Variants in SH3GL3 observed in about 807,000 individuals in gnomAD.
SH3GL3 encodes the protein SH3 domain containing GRB2 like 3, endophilin A3.
Under a neutral mutation model 47.7 loss-of-function variants are expected in SH3GL3, and 33 were observed. That is an observed-to-expected ratio of 0.69 (90% CI 0.52 to 0.92). The LOEUF is 0.92. Ranked by LOEUF, SH3GL3 falls within the 40% of genes least tolerant of loss-of-function variation. SH3GL3 has a pLI of 0.00. For synonymous variants in SH3GL3, 155 were observed against 148.8 expected, an observed-to-expected ratio of 1.04 and a Z score of -0.30; for missense variants, 363 against 417.8, an observed-to-expected ratio of 0.87 and a Z score of 1.14.
chr15:83,574,037 G>C (rs1413360666), intron 5 of SH3GL3, among the ~76,000 whole-genome samples: 2 of 152,198 alleles, frequency 1.3e-5, no homozygotes, highest in Non-Finnish European at 2.9e-5. Context: ...GGGAGACTGG[G>C]GTGGGCAAAA....
intron 1 of SH3GL3, among the ~76,000 whole-genome samples, chr15:83,508,235 C>T (rs143202773): frequency 6.6e-6 from 1 of 152,118 alleles, no homozygotes; most frequent in East Asian, 1.9e-4. Context: ...CCACCGTGCC[C>T]AGCCCAGGCA....
chr15:83,618,336 C>T lies in SH3GL3; in HGVS notation c.*49C>T. ...TACTTTCGTAACTGAAATGAATTCA[C>T]ACCAGTGTGCTCTCAGTGCGGTGTT... On this transcript the variant is annotated 3_prime_UTR_variant, in exon 9 of 9. Transcript: ENST00000427482. 1.7e-6 allele frequency: 2 copies of T among 1,183,460 alleles called. No individual in the cohort carries two copies. The highest frequency in any genetic ancestry group is 1.5e-5 in the African/African-American group (1 of 66,874). 73.3% of individuals were successfully genotyped at this position (1,183,460 alleles called of 1,614,324 possible).
downstream of SH3GL3, among the ~76,000 whole-genome samples, chr15:83,623,686 A>G (rs960317630): frequency 2.0e-5 from 3 of 152,244 alleles, no homozygotes; most frequent in African/African-American, 4.8e-5. Context: ...TGCAGTTCTA[A>G]TATGAATAGC....
At chr15:83,486,430 T>C (rs566298654) in intron 1 of SH3GL3, among the ~76,000 whole-genome samples, 1 of 152,316 alleles carries the variant, frequency 6.6e-6, no homozygotes, top group South Asian at 2.1e-4. Flanking sequence ...TGGGAATCAC[T>C]AATTATCCTC....
At chr15:83,551,826 T>C (rs1012539851) in intron 1 of SH3GL3, among the ~76,000 whole-genome samples, 2 of 152,228 alleles carry the variant, frequency 1.3e-5, no homozygotes, top group Non-Finnish European at 2.9e-5. Context: ...TCCACTCTAG[T>C]ATTATTTAGT....
intron 8 of SH3GL3, among the ~76,000 whole-genome samples, chr15:83,608,940 A>C (rs1436101279): frequency 6.6e-6 from 1 of 152,106 alleles, no homozygotes; most frequent in African/African-American, 2.4e-5. Context: ...CAAGTGGTGT[A>C]AGTAATAAGG....
intron 1 of SH3GL3, among the ~76,000 whole-genome samples, chr15:83,487,807 C>T (rs1276917775): frequency 6.6e-6 from 1 of 151,800 alleles, no homozygotes; most frequent in Non-Finnish European, 1.5e-5. Flanking sequence ...TTTTGGCTGA[C>T]ATAGTTTTTC....
chr15:83,532,628 G>C (rs1269219893), intron 1 of SH3GL3, among the ~76,000 whole-genome samples: 1 of 152,204 alleles, frequency 6.6e-6, no homozygotes, highest in East Asian at 1.9e-4. Context: ...AGTTAGGAAT[G>C]AGTTTGGCTG....
chr15:83,478,196 C>A (rs111766296), intron 1 of SH3GL3, among the ~76,000 whole-genome samples: 5 of 152,066 alleles, frequency 3.3e-5, no homozygotes, highest in Non-Finnish European at 7.4e-5. Context: ...GCTTAACCTA[C>A]GGGAGGGCAA....
chr15:83,530,940 C>A (rs2043641518), intron 1 of SH3GL3, among the ~76,000 whole-genome samples: 1 of 152,114 alleles, frequency 6.6e-6, no homozygotes, highest in South Asian at 2.1e-4. Flanking sequence ...AGAAAGACAG[C>A]AAATAGTAAC....
chr15:83,610,980 AAT>A (rs10665431), intron 8 of SH3GL3, among the ~76,000 whole-genome samples: 13 of 147,000 alleles, frequency 8.8e-5, no homozygotes, highest in South Asian at 2.2e-4. Context: ...TCAGCCAAAA[AAT>A]ATATATATAT....
chr15:83,612,417 G>A (rs373684883), intron 8 of SH3GL3, among the ~76,000 whole-genome samples: 3 of 152,338 alleles, frequency 2.0e-5, no homozygotes, highest in East Asian at 1.9e-4. Flanking sequence ...ATTTGGAGCC[G>A]TGTGTCACTG....
At chr15:83,513,997 A>G (rs2042880455) in intron 1 of SH3GL3, among the ~76,000 whole-genome samples, 1 of 152,176 alleles carries the variant, frequency 6.6e-6, no homozygotes, top group Non-Finnish European at 1.5e-5. Context: ...GATTTTTTCC[A>G]TGCTTTGTTC....
At chr15:83,593,100 G>A (rs1165522935) in intron 8 of SH3GL3, among the ~76,000 whole-genome samples, 1 of 152,142 alleles carries the variant, frequency 6.6e-6, no homozygotes, top group Admixed American at 6.5e-5. Context: ...GATGACTGTA[G>A]CTTTATAAGT....
chr15:83,618,014 A>G (rs912057872), intron 8 of SH3GL3, 68 bp from the exon 9 acceptor site: 1 of 1,099,674 alleles, frequency 9.1e-7, no homozygotes, highest in Admixed American at 1.7e-5. Flanking sequence ...GCTTTTCCAC[A>G]TTTCCAATTT....
At chr15:83,624,119 T>G in the SH3GL3 span, among the ~76,000 whole-genome samples, 1 of 152,198 alleles carries the variant, frequency 6.6e-6, no homozygotes, top group Non-Finnish European at 1.5e-5. Flanking sequence ...TTGCCGGATG[T>G]GTTTGACCCT....
intron 8 of SH3GL3, among the ~76,000 whole-genome samples, chr15:83,589,379 TC>T (rs2151809184): frequency 6.6e-6 from 1 of 152,274 alleles, no homozygotes; most frequent in African/African-American, 2.4e-5. Context: ...TTCTGTTTTT[TC>T]TTTTTTTCTT....
intron 5 of SH3GL3, among the ~76,000 whole-genome samples, chr15:83,573,148 A>T (rs942407763): frequency 3.3e-5 from 5 of 152,180 alleles, no homozygotes; most frequent in African/African-American, 9.7e-5. Flanking sequence ...AATGGCGTGC[A>T]TGGGAATTTT....
At chr15:83,570,394 G>T (rs1375568043) in intron 4 of SH3GL3, among the ~76,000 whole-genome samples, 1 of 151,910 alleles carries the variant, frequency 6.6e-6, no homozygotes, top group African/African-American at 2.4e-5. Context: ...TTTAAGTATT[G>T]AAGTTTTAAA....
Sources: gnomAD v4.1 joint callset for allele counts (sites outside exome capture counted in the v4.1 genomes callset) on GRCh38, gnomAD v4.1.1 for gene constraint, MANE v1.5 for transcripts, NCBI Gene and HGNC (gene_info 2026-07-23, HGNC 2026-07-21) for gene names.